SSTR2: variants seen among roughly 807,000 people sequenced by gnomAD.
SSTR2 encodes the protein somatostatin receptor 2.
Under a neutral mutation model 21.4 loss-of-function variants are expected in SSTR2, and 10 were observed. The ratio of observed to expected loss-of-function variants is 0.47; its 90% CI spans 0.29 to 0.79. The LOEUF is 0.79. SSTR2 is among the 30% of genes least tolerant of loss of function. The pLI, the probability that SSTR2 is intolerant of heterozygous loss-of-function variation, is 0.10. For missense variants in SSTR2, 364 were observed against 468.8 expected, an observed-to-expected ratio of 0.78 and a Z score of 2.06; for synonymous variants, 177 against 181.3, an observed-to-expected ratio of 0.98 and a Z score of 0.19.
intron 1 of SSTR2, among the ~76,000 whole-genome samples, chr17:73,167,698 T>C (rs1199284807): frequency 6.6e-6 from 1 of 152,174 alleles, no homozygotes; most frequent in Non-Finnish European, 1.5e-5. Flanking sequence ...AAGGCATTCT[T>C]AAGTCCTTCA....
rs970420773 is a variant in SSTR2 at position 73,174,434 on chromosome 17, G to A, written c.*4005G>A. ...GTAGGAAGCAATGGACTGTTAAAAT[G>A]CATGTTCCGGGCTGGGGATGGTGGC... is the stretch of plus-strand genomic sequence containing the variant. On this transcript the variant is annotated 3_prime_UTR_variant, in exon 2 of 2. Coordinates refer to ENST00000357585, the MANE Select transcript of SSTR2 (RefSeq NM_001050.3). The A allele has an allele frequency of 6.6e-6, 1 of 152,018 alleles. No individual in the cohort carries two copies. Among genetic ancestry groups the A allele is most frequent in the African/African-American group, 2.4e-5 (1 of 41,416 alleles). 9.4% of individuals were successfully genotyped at this position (152,018 alleles called of 1,614,324 possible).
At position 73,169,193 on chromosome 17, in the gene SSTR2, T is replaced by A; in HGVS notation, c.-92-35T>A. ...ATTTGGTGAGACTTTAAACAGCCTG[T>A]GACCGACGGGCCAATCTTCCTCTTT... On this transcript the variant is annotated intron_variant, in intron 1 of 1. Coordinates refer to ENST00000357585, the MANE Select transcript of SSTR2 (RefSeq NM_001050.3). This position sits in a 1 kb window ranked among gnomAD's most constrained non-coding sequence, Gnocchi z 5.2. The A allele has an allele frequency of 8.4e-7, 1 of 1,186,416 alleles. No homozygotes were observed. Among genetic ancestry groups the A allele is most frequent in the Non-Finnish European group, 1.2e-6 (1 of 869,472 alleles). 73.5% of individuals were successfully genotyped at this position (1,186,416 alleles called of 1,614,324 possible). A position where few individuals can be genotyped will look rare whatever the true frequency, so the allele number is the denominator to read the frequency against.
Position 73,170,199 on chromosome 17 carries a change from T to A in SSTR2, c.880T>A (p.Phe294Ile). 6.2e-7 allele frequency: 1 copy of A among 1,614,144 alleles called. No homozygotes were observed. The highest frequency in any genetic ancestry group is 8.5e-7 in the Non-Finnish European group (1 of 1,180,028). ...CCCCACCCCAGCCCTTAAAGGCATG[T>A]TTGACTTTGTGGTGGTCCTCACCTA... ...ISPTPALKGM[F>I]DFVVVLTYAN... The change falls in exon 2 of 2, where the codon TTT becomes ATT. Residue 294 changes from phenylalanine to isoleucine, a missense_variant. Phe to Ile is a conservative substitution (Grantham distance 21). Coordinates refer to ENST00000357585, the MANE Select transcript of SSTR2 (RefSeq NM_001050.3).
chr17:73,175,798 T>C lies in SSTR2; in HGVS notation c.*5369T>C, dbSNP rs1036926260. The C allele has an allele frequency of 3.9e-5, 6 of 152,212 alleles. No homozygotes were observed. The highest frequency in any genetic ancestry group is 1.4e-4 in the African/African-American group (6 of 41,456). The allele number at this position is 152,212 out of a possible 1,614,324, so 9.4% of individuals were successfully genotyped here. On this transcript the variant is annotated 3_prime_UTR_variant, in exon 2 of 2. Coordinates refer to ENST00000357585, the MANE Select transcript of SSTR2 (RefSeq NM_001050.3). ...TTTTAGAAAAGCCTGTTAAGGAATA[T>C]GATGCAAAGCCACCTTCGACGAAAT...
In SSTR2 at chr17:73,169,104, G is replaced by A. The variant is rs534038043; in HGVS notation, c.-92-124G>A. 1.4e-5 allele frequency: 8 copies of A among 589,018 alleles called. No individual in the cohort carries two copies. Among genetic ancestry groups the A allele is most frequent in the South Asian group, 8.9e-5 (4 of 44,942 alleles). 36.5% of individuals were successfully genotyped at this position (589,018 alleles called of 1,614,324 possible). A position where few individuals can be genotyped will look rare whatever the true frequency, so the allele number is the denominator to read the frequency against. On this transcript the variant is annotated intron_variant, in intron 1 of 1. Transcript: ENST00000357585. The surrounding 1 kb of genome is among the most constrained non-coding windows in gnomAD (Gnocchi z 5.2). ...AGGAACTCTAGAGCTTAATGTTGATGTGGAAAGATAATACATTTTTCAATT... is the reference window on the plus strand; with the variant it reads ...AGGAACTCTAGAGCTTAATGTTGATATGGAAAGATAATACATTTTTCAATT...
Position 73,165,950 on chromosome 17 carries a change from C to CA in SSTR2, c.-93+662_-93+663insA, listed in dbSNP as rs948272227. Among the ~76,000 whole-genome samples, 6 of 151,782 alleles carry CA rather than the reference C, an allele frequency of 4.0e-5. No individual in the cohort carries two copies. In the South Asian group the frequency reaches 1.0e-3, roughly 26 times the overall value. ...ATGTCTCTGTCCTCAGCGCCCCCCC[C>CA]CCACACCCGGCACCCCTGCTGTGCG... On this transcript the variant is annotated intron_variant, in intron 1 of 1. Transcript: ENST00000357585.
Position 73,176,312 on chromosome 17 carries a change from T to C in SSTR2, c.*5883T>C, listed in dbSNP as rs752162804. The C allele has an allele frequency of 1.3e-5, 2 of 152,222 alleles. No homozygotes were observed. The highest frequency in any genetic ancestry group is 6.5e-5 in the Admixed American group (1 of 15,280). 9.4% of individuals were successfully genotyped at this position (152,222 alleles called of 1,614,324 possible). ...AATGGTTCTCGTGTAACATAACTGA[T>C]ATAGTTTGGCTGTGTCCCCACCCAA... is the stretch of plus-strand genomic sequence containing the variant. On this transcript the variant is annotated 3_prime_UTR_variant, in exon 2 of 2. Coordinates refer to ENST00000357585, the MANE Select transcript of SSTR2 (RefSeq NM_001050.3).
rs1280380318 is a variant in SSTR2, at chr17:73,173,957, T to A, written c.*3528T>A. 1 of 152,174 alleles carries A rather than the reference T, an allele frequency of 6.6e-6. No homozygotes were observed. Among genetic ancestry groups the A allele is most frequent in the East Asian group, 1.9e-4 (1 of 5,152 alleles). The allele number at this position is 152,174 out of a possible 1,614,324, so 9.4% of individuals were successfully genotyped here. The stretch of plus-strand genomic sequence containing the variant: ...CAGCCTGGCCAACATGGGGAAACCC[T>A]GTCTCTACTAAGAATACAAAAATTA... On this transcript the variant is annotated 3_prime_UTR_variant, in exon 2 of 2. Transcript: ENST00000357585.
intron 1 of SSTR2, among the ~76,000 whole-genome samples, chr17:73,168,599 G>T (rs755943151): frequency 4.6e-5 from 7 of 152,174 alleles, no homozygotes; most frequent in Non-Finnish European, 1.0e-4. Context: ...AACATGGGGG[G>T]AAACAACTTA....
chr17:73,165,536 G>A (rs1299955163), intron 1 of SSTR2, among the ~76,000 whole-genome samples: 2 of 152,094 alleles, frequency 1.3e-5, no homozygotes, highest in Non-Finnish European at 2.9e-5. Flanking sequence ...AGAGTGTGCT[G>A]GAACGGACGT....
rs1003993659 is a variant in SSTR2 at position 73,173,064 on chromosome 17, C to T, written c.*2635C>T. 2 of 152,142 alleles carry T rather than the reference C, an allele frequency of 1.3e-5. No individual in the cohort carries two copies. Among genetic ancestry groups the T allele is most frequent in the African/African-American group, 4.8e-5 (2 of 41,404 alleles). 9.4% of individuals were successfully genotyped at this position (152,142 alleles called of 1,614,324 possible). On this transcript the variant is annotated 3_prime_UTR_variant, in exon 2 of 2. Coordinates refer to ENST00000357585, the MANE Select transcript of SSTR2 (RefSeq NM_001050.3). The stretch of plus-strand genomic sequence containing the variant: ...CTAAAAATACAAAAAATTACCCAGG[C>T]ATGGTGGCGGGCGCCTGTAATCCCA...
rs1371261155 is a variant in SSTR2 at position 73,173,764 on chromosome 17, T to C, written c.*3335T>C. 6.6e-6 allele frequency: 1 copy of C among 152,156 alleles called. No individual in the cohort carries two copies. The highest frequency in any genetic ancestry group is 1.5e-5 in the Non-Finnish European group (1 of 68,012). 9.4% of individuals were successfully genotyped at this position (152,156 alleles called of 1,614,324 possible). On this transcript the variant is annotated 3_prime_UTR_variant, in exon 2 of 2. Coordinates refer to ENST00000357585, the MANE Select transcript of SSTR2 (RefSeq NM_001050.3). Reference sequence around the variant, plus strand: ...AGATATTGGGAAAAATAATATGATATTGTGGCCTATGTTGAATGATGTTAG... The same window carrying C: ...AGATATTGGGAAAAATAATATGATACTGTGGCCTATGTTGAATGATGTTAG...
rs984700241 is a variant in SSTR2, at chr17:73,170,616, T to C, written c.*187T>C. On this transcript the variant is annotated 3_prime_UTR_variant, in exon 2 of 2. Transcript: ENST00000357585. ...TCTGATTGAATGATAATGTGCTAAA[T>C]TGATTACCTCCCCCTTAAAGCGAAC... 13 of 783,658 alleles carry C rather than the reference T, an allele frequency of 1.7e-5. No homozygotes were observed. Among genetic ancestry groups the C allele is most frequent in the East Asian group, 1.4e-4 (5 of 37,034 alleles). 48.5% of individuals were successfully genotyped at this position (783,658 alleles called of 1,614,324 possible).
At chr17:73,165,336 GATAA>G (rs2061212542) in intron 1 of SSTR2, 48 bp downstream of exon 1, 1 of 112,362 alleles carries the variant, frequency 8.9e-6, no homozygotes, top group African/African-American at 3.1e-5. Context: ...GTGTGTGTGT[GATAA>G]GAGAGATGGA....
At position 73,170,463 on chromosome 17, in the gene SSTR2, C is replaced by A. The variant is rs749780945; in HGVS notation, c.*34C>A. On this transcript the variant is annotated 3_prime_UTR_variant, in exon 2 of 2. Transcript: ENST00000357585. ...GGGGGTGGGAAAGAACCAAGCCATG[C>A]TCTGTCTACTGGCAATGGGCTCCCT... 2 of 1,599,496 alleles carry A rather than the reference C, an allele frequency of 1.3e-6. No homozygotes were observed. Among genetic ancestry groups the A allele is most frequent in the Admixed American group, 3.4e-5 (2 of 59,094 alleles).
At chr17:73,166,201 C>G (rs1437968848) in intron 1 of SSTR2, among the ~76,000 whole-genome samples, 1 of 152,250 alleles carries the variant, frequency 6.6e-6, no homozygotes, top group South Asian at 2.1e-4. Context: ...CCCAGGCGCT[C>G]ACGCGCCGCG....
chr17:73,173,195 A>C lies in SSTR2; in HGVS notation c.*2766A>C, dbSNP rs1416173404. ...CTCCAGCCTGGGCAACAAGAGCGAAACTTCATCTCAAAAAAAAAAAACAAA... is the reference window on the plus strand; with the variant it reads ...CTCCAGCCTGGGCAACAAGAGCGAACCTTCATCTCAAAAAAAAAAAACAAA... On this transcript the variant is annotated 3_prime_UTR_variant, in exon 2 of 2. Transcript: ENST00000357585. 1.3e-5 allele frequency: 2 copies of C among 149,778 alleles called. No homozygotes were observed. Among genetic ancestry groups the C allele is most frequent in the Non-Finnish European group, 3.0e-5 (2 of 67,742 alleles). The allele number at this position is 149,778 out of a possible 1,614,324, so 9.3% of individuals were successfully genotyped here. A position where few individuals can be genotyped will look rare whatever the true frequency, so the allele number is the denominator to read the frequency against.
rs769172001 is a variant in SSTR2, at chr17:73,169,486, T to C, written c.167T>C (p.Ile56Thr). ...LTFIYFVVCI[I>T]GLCGNTLVIY... ...TTCATCTATTTTGTGGTCTGCATCA[T>C]TGGGTTGTGTGGCAACACACTTGTC... Residue 56 changes from isoleucine (I) to threonine (T), a missense_variant, in exon 2 of 2, where the codon ATT (isoleucine) becomes ACT (threonine). Ile to Thr is a moderately conservative substitution (Grantham distance 89). Coordinates refer to ENST00000357585, the MANE Select transcript of SSTR2 (RefSeq NM_001050.3). This position sits in a 1 kb window ranked among gnomAD's most constrained non-coding sequence, Gnocchi z 5.2. The C allele has an allele frequency of 1.9e-6, 3 of 1,614,244 alleles. No homozygotes were observed. The Admixed American group carries it at 5.0e-5, about 27-fold the overall frequency.
chr17:73,170,311 A>C lies in SSTR2; in HGVS notation c.992A>C (p.Lys331Thr). ...KSFQNVLCLV[K>T]VSGTDDGERS... ...TTCCAGAATGTCCTCTGCTTGGTCA[A>C]GGTGAGCGGCACAGATGATGGGGAG... The change falls in exon 2 of 2, where the codon AAG becomes ACG. Residue 331 changes from lysine (K) to threonine (T), a missense_variant. Physicochemically the swap from Lys to Thr is moderately conservative, Grantham distance 78. Around this residue, in one of 4 missense-constraint regions of SSTR2, gnomAD observed 71 missense variants for 53.8 expected, o/e 1.32. Transcript: ENST00000357585. The C allele has an allele frequency of 6.2e-7, 1 of 1,614,030 alleles. No individual in the cohort carries two copies. Among genetic ancestry groups the C allele is most frequent in the South Asian group, 1.1e-5 (1 of 91,076 alleles).
Sources: gnomAD v4.1 joint callset for allele counts (sites outside exome capture counted in the v4.1 genomes callset) on GRCh38, gnomAD v4.1.1 for gene constraint, gnomAD v4.1.1 regional missense constraint, Gnocchi (gnomAD v3.1) non-coding constraint, MANE v1.5 for transcripts, NCBI Gene and HGNC (gene_info 2026-07-23, HGNC 2026-07-21) for gene names.